The following NFATC1 variants were observed in gnomAD, a reference collection of about 807,000 sequenced individuals.
NFATC1 encodes nuclear factor of activated T-cells, cytoplasmic 1.
A neutral mutation model predicts 76.0 loss-of-function variants in NFATC1; 22 were observed. The ratio of observed to expected loss-of-function variants is 0.29; its 90% CI spans 0.21 to 0.41. The LOEUF (loss-of-function observed/expected upper bound fraction) is 0.41. Among genes scored for constraint, NFATC1 ranks in the 10% least tolerant of loss-of-function variants. NFATC1 has a pLI of 1.00. For synonymous variants in NFATC1, 704 were observed against 613.1 expected, an observed-to-expected ratio of 1.15 and a Z score of -2.19; for missense variants, 1,357 against 1,337.7, an observed-to-expected ratio of 1.01 and a Z score of -0.23.
chr18:79,483,791 G>A (rs536881441), intron 8 of NFATC1, among the ~76,000 whole-genome samples: 194 of 145,510 alleles, frequency 1.3e-3, no homozygotes, highest in Non-Finnish European at 1.9e-3. Context: ...GTGTGACCTC[G>A]TTCCTGAGGT....
intron 9 of NFATC1, among the ~76,000 whole-genome samples, chr18:79,501,340 A>G (rs1484881786): frequency 6.6e-6 from 1 of 152,152 alleles, no homozygotes; most frequent in African/African-American, 2.4e-5. Context: ...AACCTGATCA[A>G]AGTCATACAC....
chr18:79,517,383 A>G (rs1183531905), intron 9 of NFATC1, among the ~76,000 whole-genome samples: 1 of 152,204 alleles, frequency 6.6e-6, no homozygotes, highest in Non-Finnish European at 1.5e-5. Flanking sequence ...TCTGAAGAAT[A>G]TGCACTTTTC....
intron 9 of NFATC1, among the ~76,000 whole-genome samples, chr18:79,511,963 G>C (rs1385111718): frequency 6.6e-6 from 1 of 152,164 alleles, no homozygotes; most frequent in African/African-American, 2.4e-5. Context: ...CAGGAGCCCA[G>C]TGGATGGGAC....
At chr18:79,458,280 G>A (rs970844575) in intron 6 of NFATC1, among the ~76,000 whole-genome samples, 2 of 152,162 alleles carry the variant, frequency 1.3e-5, no homozygotes, top group African/African-American at 4.8e-5. Flanking sequence ...TGAGGATGCT[G>A]TGGGGTGCAC....
intron 9 of NFATC1, among the ~76,000 whole-genome samples, chr18:79,509,496 G>A (rs936057247): frequency 5.3e-5 from 8 of 152,250 alleles, no homozygotes; most frequent in African/African-American, 1.9e-4. Flanking sequence ...GCCCGGTGAT[G>A]TTTCCTCAGA....
intron 9 of NFATC1, among the ~76,000 whole-genome samples, chr18:79,502,769 T>A: frequency 6.6e-6 from 1 of 152,190 alleles, no homozygotes; most frequent in Non-Finnish European, 1.5e-5. Context: ...TAAATTTCAA[T>A]AAGATACCAT....
intron 4 of NFATC1, among the ~76,000 whole-genome samples, chr18:79,449,185 A>G (rs557396455): frequency 2.6e-5 from 4 of 152,350 alleles, no homozygotes; most frequent in African/African-American, 9.6e-5. Context: ...AGCCCTGTGT[A>G]TATTGCCACT....
intron 2 of NFATC1, among the ~76,000 whole-genome samples, chr18:79,424,833 ATC>A (rs2086240708): frequency 1.5e-5 from 1 of 68,242 alleles, no homozygotes; most frequent in South Asian, 4.6e-4. Flanking sequence ...GTCTCTCTCC[ATC>A]TCTGTCTCTG....
Position 79,404,855 on chromosome 18 carries a change from G to T in NFATC1, c.128-5548G>T, listed in dbSNP as rs77116828. 1.6e-3 allele frequency among the ~76,000 whole-genome samples: 251 copies of T among 152,336 alleles called. 3 individuals carry two copies. In the East Asian group the frequency reaches 0.036, roughly 22 times the overall value. ...GGGCTCAGCACGGCGGGGTCTGCAA[G>T]GTTAGAATGCTGTGCACCTGTAGGG... On this transcript the variant is annotated intron_variant, in intron 1 of 9. Transcript: ENST00000427363.
chr18:79,464,676 G>GTA (rs1491306260), intron 7 of NFATC1, among the ~76,000 whole-genome samples: 1 of 121,424 alleles, frequency 8.2e-6, no homozygotes. Context: ...GTGTGTATAT[G>GTA]TATGTGTATA....
At chr18:79,433,475 C>A in intron 2 of NFATC1, 104 bp from the exon 3 acceptor site, 2 of 1,364,114 alleles carry the variant, frequency 1.5e-6, no homozygotes, top group Non-Finnish European at 2.1e-6. Flanking sequence ...GTGCACTCGC[C>A]GATGAAGTGT....
intron 6 of NFATC1, 35 bp downstream of exon 6, chr18:79,451,851 G>A (rs1222862980): frequency 6.3e-7 from 1 of 1,578,410 alleles, no homozygotes; most frequent in Non-Finnish European, 8.6e-7. Flanking sequence ...TGCGGCCTGG[G>A]CTTCGGCGCT....
chr18:79,427,969 G>A (rs1382634340), intron 2 of NFATC1, among the ~76,000 whole-genome samples: 4 of 141,960 alleles, frequency 2.8e-5, no homozygotes, highest in Non-Finnish European at 4.6e-5. Flanking sequence ...AGTGGGTGGC[G>A]GGGGGGTGCT....
intron 9 of NFATC1, among the ~76,000 whole-genome samples, chr18:79,514,268 C>T (rs1486399762): frequency 1.3e-5 from 2 of 151,882 alleles, no homozygotes; most frequent in African/African-American, 4.8e-5. Flanking sequence ...AGCAAGACCC[C>T]ATCTCTACAA....
chr18:79,503,377 C>T (rs1167763901), intron 9 of NFATC1, among the ~76,000 whole-genome samples: 2 of 152,192 alleles, frequency 1.3e-5, no homozygotes, highest in African/African-American at 4.8e-5. Flanking sequence ...GTTAAGTGTG[C>T]ACCAGCAATG....
At chr18:79,494,921 G>A (rs1291282840) in intron 9 of NFATC1, among the ~76,000 whole-genome samples, 4 of 148,230 alleles carry the variant, frequency 2.7e-5, no homozygotes, top group African/African-American at 7.4e-5. Context: ...GAAAGCGAGA[G>A]CGGGCACACG....
chr18:79,409,364 A>T (rs56121360), intron 1 of NFATC1, among the ~76,000 whole-genome samples: 72,137 of 149,264 alleles, frequency 0.48, 19,826 homozygotes, highest in East Asian at 0.86. Context: ...ATCATCATTC[A>T]TCCATCCATC....
intron 1 of NFATC1, among the ~76,000 whole-genome samples, chr18:79,398,295 G>A (rs2085071301): frequency 1.3e-5 from 2 of 152,370 alleles, no homozygotes; most frequent in South Asian, 4.1e-4. Flanking sequence ...AGCTCACCCT[G>A]TTCTCTGCCA....
rs540331151 is a variant in NFATC1 at position 79,507,891 on chromosome 18, C to T, written c.2783-19637C>T. On this transcript the variant is annotated intron_variant, in intron 9 of 9. Coordinates refer to ENST00000427363, the MANE Select transcript of NFATC1 (RefSeq NM_001278669.2). ...CGTCCGTCACGTGGCCACCGTCCCG[C>T]GGGAAGCTGGGGGCCGTCGCTCTGG... Among the ~76,000 whole-genome samples, 6 of 152,350 alleles carry T rather than the reference C, an allele frequency of 3.9e-5. No homozygotes were observed. In the South Asian group the frequency reaches 8.3e-4, roughly 21 times the overall value.
Sources: allele counts gnomAD v4.1 joint callset (sites outside exome capture counted in the v4.1 genomes callset), GRCh38; gene constraint gnomAD v4.1.1; transcripts MANE v1.5; gene names NCBI Gene and HGNC (gene_info 2026-07-23, HGNC 2026-07-21).